The following PRKAA2 variants were observed in gnomAD, a reference collection of about 807,000 sequenced individuals.
PRKAA2 encodes protein kinase AMP-activated catalytic subunit alpha 2.
A neutral mutation model predicts 56.3 loss-of-function variants in PRKAA2; 40 were observed. The observed-to-expected ratio is 0.71, with a 90% CI of 0.55 to 0.92. The LOEUF is 0.92. PRKAA2 is among the 40% of genes least tolerant of loss of function. The pLI is 0.00. For synonymous variants in PRKAA2, 214 were observed against 234.2 expected (o/e 0.91, Z 0.79); for missense variants, 542 against 686.9 (o/e 0.79, Z 2.36).
At chr1:56,658,739 CTT>C in intron 1 of PRKAA2, among the ~76,000 whole-genome samples, 1 of 149,406 alleles carries the variant, frequency 6.7e-6, no homozygotes, top group Non-Finnish European at 1.5e-5. Context: ...CTCCTGCCTT[CTT>C]TTTTTTTTCT....
At chr1:56,680,946 A>G (rs1363799469) in intron 2 of PRKAA2, among the ~76,000 whole-genome samples, 2 of 152,216 alleles carry the variant, frequency 1.3e-5, no homozygotes, top group African/African-American at 4.8e-5. Context: ...GTGTTCCACA[A>G]TGGTTGAACT....
In PRKAA2 at chr1:56,674,397, A is replaced by G. The variant is rs55717918; in HGVS notation, c.111A>G (p.Leu37=). ...FGKVKIGEHQ[L]TGHKVAVKIL... is the part of the protein sequence containing the mutation. ...TTTCTTTAGTTGGAGAACATCAATT[A>G]ACAGGCCATAAAGTGGCAGTTAAAA... Residue 37 remains leucine (L), a synonymous_variant, in exon 2 of 9, where the codon TTA becomes TTG. Coordinates refer to ENST00000371244, the MANE Select transcript of PRKAA2 (RefSeq NM_006252.4). 0.034 allele frequency: 52,385 copies of G among 1,559,532 alleles called. 1,066 individuals are homozygous for G. The highest frequency in any genetic ancestry group is 0.049 in the Middle Eastern group (287 of 5,812).
intron 6 of PRKAA2, among the ~76,000 whole-genome samples, chr1:56,702,656 T>C (rs1405357488): frequency 9.9e-5 from 15 of 152,232 alleles, no homozygotes; most frequent in Admixed American, 9.8e-4. Context: ...TCATGGTCTT[T>C]GCACATATTG....
Position 56,709,548 on chromosome 1 carries a change from G to C in PRKAA2, c.*1835G>C, listed in dbSNP as rs1396550374. On this transcript the variant is annotated 3_prime_UTR_variant, in exon 9 of 9. Coordinates refer to ENST00000371244, the MANE Select transcript of PRKAA2 (RefSeq NM_006252.4). ...TAAGCAGTCCTGCTGTGTTAGCCTG[G>C]TCCATTATAGATATGGCATAGTTTT... 1.3e-5 allele frequency: 2 copies of C among 152,066 alleles called. No individual in the cohort carries two copies. Among genetic ancestry groups the C allele is most frequent in the Non-Finnish European group, 2.9e-5 (2 of 67,980 alleles). 9.4% of individuals were successfully genotyped at this position (152,066 alleles called of 1,614,324 possible). A position where few individuals can be genotyped will look rare whatever the true frequency, so the allele number is the denominator to read the frequency against.
intron 1 of PRKAA2, 45 bp from the exon 2 acceptor site, chr1:56,674,336 A>T (rs1644098347): frequency 6.9e-7 from 1 of 1,452,934 alleles, no homozygotes; most frequent in Non-Finnish European, 9.2e-7. Flanking sequence ...ATAAATGATT[A>T]TGTTGATATG....
At chr1:56,697,635 A>G (rs1644267407) in intron 6 of PRKAA2, among the ~76,000 whole-genome samples, 1 of 152,126 alleles carries the variant, frequency 6.6e-6, no homozygotes, top group Non-Finnish European at 1.5e-5. Flanking sequence ...ACATGCTGAT[A>G]TATTTGCAGC....
intron 1 of PRKAA2, among the ~76,000 whole-genome samples, chr1:56,654,462 C>A (rs1008719725): frequency 6.6e-6 from 1 of 152,098 alleles, no homozygotes; most frequent in African/African-American, 2.4e-5. Context: ...GCAGGAAGAT[C>A]TAATCTCAAA....
At chr1:56,645,727 A>G (rs1210706947) in intron 1 of PRKAA2, among the ~76,000 whole-genome samples, 1 of 152,024 alleles carries the variant, frequency 6.6e-6, no homozygotes, top group Non-Finnish European at 1.5e-5. Context: ...CCTGGGTTCC[A>G]GGTTCCGCGC....
At chr1:56,655,268 C>A (rs2746354) in intron 1 of PRKAA2, among the ~76,000 whole-genome samples, 99,474 of 111,304 alleles carry the variant, frequency 0.89, 44,264 homozygotes, top group East Asian at 0.99. Flanking sequence ...ATTTATATAT[C>A]TATATATATA....
intron 6 of PRKAA2, among the ~76,000 whole-genome samples, chr1:56,699,955 C>T (rs1316219671): frequency 6.6e-6 from 1 of 152,124 alleles, no homozygotes; most frequent in African/African-American, 2.4e-5. Flanking sequence ...GAAAAATATT[C>T]CAGTGTATGA....
intron 7 of PRKAA2, among the ~76,000 whole-genome samples, 165 bp downstream of exon 7, chr1:56,704,640 A>G (rs764793792): frequency 6.6e-6 from 1 of 152,226 alleles, no homozygotes; most frequent in Admixed American, 6.5e-5. Flanking sequence ...AGTGGTTGAT[A>G]CTGGGAACCA....
intron 7 of PRKAA2, among the ~76,000 whole-genome samples, chr1:56,704,921 A>C (rs1175622805): frequency 6.6e-6 from 1 of 152,020 alleles, no homozygotes; most frequent in Non-Finnish European, 1.5e-5. Flanking sequence ...GTCAATAAAC[A>C]CTTTTCTCCA....
intron 1 of PRKAA2, among the ~76,000 whole-genome samples, chr1:56,655,268 C>T (rs2746354): frequency 6.6e-5 from 7 of 106,830 alleles, no homozygotes. Flanking sequence ...ATTTATATAT[C>T]TATATATATA....
chr1:56,670,671 T>C (rs1211078769), intron 1 of PRKAA2, among the ~76,000 whole-genome samples: 1 of 152,232 alleles, frequency 6.6e-6, no homozygotes, highest in Non-Finnish European at 1.5e-5. Flanking sequence ...CAGTGTAATG[T>C]AATTAGTATA....
chr1:56,661,718 A>AT (rs1385503227), intron 1 of PRKAA2, among the ~76,000 whole-genome samples: 2 of 151,682 alleles, frequency 1.3e-5, no homozygotes, highest in African/African-American at 2.4e-5. Flanking sequence ...TTAGAAATAT[A>AT]TTTTTTTCTA....
At chr1:56,655,280 A>ATATTTATATATTTTTTTTTT in intron 1 of PRKAA2, among the ~76,000 whole-genome samples, 1 of 93,680 alleles carries the variant, frequency 1.1e-5, no homozygotes, top group Non-Finnish European at 1.9e-5. Context: ...ATATATATAT[A>ATATTTATATATTTTTTTTTT]TTTTTTTTTT....
intron 6 of PRKAA2, among the ~76,000 whole-genome samples, chr1:56,698,312 A>G (rs1294240543): frequency 1.3e-5 from 2 of 152,226 alleles, no homozygotes; most frequent in African/African-American, 2.4e-5. Flanking sequence ...ATTCTGCTTT[A>G]TGGCTTAACT....
chr1:56,667,656 A>G (rs988302787), intron 1 of PRKAA2, among the ~76,000 whole-genome samples: 1 of 152,132 alleles, frequency 6.6e-6, no homozygotes, highest in Non-Finnish European at 1.5e-5. Flanking sequence ...CATCTATAAA[A>G]TTTCCTCATA....
intron 1 of PRKAA2, among the ~76,000 whole-genome samples, chr1:56,670,501 A>G (rs1286511276): frequency 6.6e-6 from 1 of 152,154 alleles, no homozygotes; most frequent in Non-Finnish European, 1.5e-5. Flanking sequence ...TCTGCTTTAT[A>G]TCTCATTGGC....
Sources: gnomAD v4.1 joint callset for allele counts (sites outside exome capture counted in the v4.1 genomes callset) on GRCh38, gnomAD v4.1.1 for gene constraint, MANE v1.5 for transcripts, NCBI Gene and HGNC (gene_info 2026-07-23, HGNC 2026-07-21) for gene names.